The following TPD52L1 variants were observed in gnomAD, a reference collection of about 807,000 sequenced individuals.
TPD52L1 encodes tumor protein D53.
In TPD52L1, 18 loss-of-function variants were observed where a neutral mutation model predicts 28.7. The observed-to-expected ratio is 0.63, with a 90% CI of 0.43 to 0.93. TPD52L1 has a LOEUF of 0.93. TPD52L1 is among the 40% of genes least tolerant of loss of function. The probability of loss-of-function intolerance (pLI) is 0.00; values close to 1 mark genes in which losing one functional copy is unlikely to be tolerated. For synonymous variants in TPD52L1, 75 were observed against 88.8 expected (o/e 0.84, Z 0.88); for missense variants, 203 against 254.8 (o/e 0.80, Z 1.39).
chr6:125,209,659 T>A (rs78641468), intron 1 of TPD52L1, among the ~76,000 whole-genome samples: 416 of 152,298 alleles, frequency 2.7e-3, no homozygotes, highest in Non-Finnish European at 4.9e-3. Flanking sequence ...TGCCGCTGTG[T>A]TGAGGTGTGC....
intron 4 of TPD52L1, chr6:125,252,125 C>T: frequency 2.1e-6 from 3 of 1,424,288 alleles, no homozygotes; most frequent in Non-Finnish European, 2.9e-6. Flanking sequence ...TCACACTGTG[C>T]CTGAACCAAC....
intron 1 of TPD52L1, among the ~76,000 whole-genome samples, chr6:125,217,551 A>C (rs1449511736): frequency 6.6e-6 from 1 of 152,086 alleles, no homozygotes; most frequent in Admixed American, 6.6e-5. Flanking sequence ...TCAGGTGGTA[A>C]TGCAAGCAGT....
chr6:125,199,046 A>G (rs145884201), intron 1 of TPD52L1, among the ~76,000 whole-genome samples: 110 of 152,360 alleles, frequency 7.2e-4, no homozygotes, highest in African/African-American at 2.6e-3. Context: ...ATTGACCTCT[A>G]CCAGCACTTA....
At chr6:125,239,936 C>T (rs1346723760) in intron 3 of TPD52L1, among the ~76,000 whole-genome samples, 7 of 151,936 alleles carry the variant, frequency 4.6e-5, no homozygotes, top group Non-Finnish European at 1.0e-4. Flanking sequence ...TGATGTTATC[C>T]TCTAGAATTT....
intron 1 of TPD52L1, 157 bp from the exon 2 acceptor site, chr6:125,219,921 G>A (rs370874389): frequency 1.2e-4 from 80 of 685,050 alleles, no homozygotes; most frequent in African/African-American, 3.0e-4. Flanking sequence ...CTTGGAGCTC[G>A]TCACACATTT....
At chr6:125,254,162 C>A (rs1029161228) in intron 5 of TPD52L1, among the ~76,000 whole-genome samples, 2 of 152,074 alleles carry the variant, frequency 1.3e-5, no homozygotes, top group Non-Finnish European at 2.9e-5. Flanking sequence ...AGCCTGGGGG[C>A]AAGTTTAAAT....
chr6:125,169,124 G>A (rs141596907), intron 1 of TPD52L1, among the ~76,000 whole-genome samples: 23 of 152,074 alleles, frequency 1.5e-4, no homozygotes, highest in African/African-American at 4.3e-4. Flanking sequence ...ATATCTTGGC[G>A]GGGTTGCCCA....
intron 1 of TPD52L1, among the ~76,000 whole-genome samples, chr6:125,158,068 C>A (rs185158039): frequency 1.9e-4 from 29 of 152,244 alleles, no homozygotes; most frequent in South Asian, 1.9e-3. Context: ...TCGCATCAAA[C>A]CTCCCTCTGC....
intron 1 of TPD52L1, among the ~76,000 whole-genome samples, chr6:125,213,175 G>GA (rs913206691): frequency 6.6e-6 from 1 of 151,990 alleles, no homozygotes; most frequent in Admixed American, 6.6e-5. Context: ...AGTAGTGGGG[G>GA]AAAAAATATT....
At chr6:125,192,172 G>T (rs1370463152) in intron 1 of TPD52L1, among the ~76,000 whole-genome samples, 1 of 152,052 alleles carries the variant, frequency 6.6e-6, no homozygotes, top group Non-Finnish European at 1.5e-5. Context: ...TGGCACTCAG[G>T]ACACTAGACA....
At chr6:125,212,119 G>T (rs1302713334) in intron 1 of TPD52L1, among the ~76,000 whole-genome samples, 1 of 152,038 alleles carries the variant, frequency 6.6e-6, no homozygotes, top group Non-Finnish European at 1.5e-5. Flanking sequence ...AATGCTTGAG[G>T]TTATTTTTAC....
rs150974845 is a variant in TPD52L1, at chr6:125,183,556, G to T, written c.19+29586G>T. Among the ~76,000 whole-genome samples the T allele has an allele frequency of 1.3e-3, 191 of 152,286 alleles. 1 individual carries two copies. The highest frequency in any genetic ancestry group is 2.4e-3 in the Non-Finnish European group (160 of 68,026). On this transcript the variant is annotated intron_variant, in intron 1 of 6. Transcript: ENST00000534000. ...GAAGAAGCACAGATAGATGAAGAGT[G>T]CCCAGTCCGTGAAGGGCCTTGAGTA...
intron 1 of TPD52L1, among the ~76,000 whole-genome samples, chr6:125,211,065 G>A (rs575608559): frequency 2.0e-5 from 3 of 152,098 alleles, no homozygotes; most frequent in Non-Finnish European, 4.4e-5. Context: ...GACACTTAAG[G>A]CACATAATTA....
At chr6:125,254,901 T>A (rs544951442) in intron 5 of TPD52L1, among the ~76,000 whole-genome samples, 1 of 152,338 alleles carries the variant, frequency 6.6e-6, no homozygotes, top group Non-Finnish European at 1.5e-5. Context: ...TTATATTTTA[T>A]GAAGGAAGGC....
intron 1 of TPD52L1, among the ~76,000 whole-genome samples, chr6:125,187,406 T>C (rs1445109757): frequency 6.6e-6 from 1 of 152,204 alleles, no homozygotes; most frequent in Non-Finnish European, 1.5e-5. Flanking sequence ...ATTCTTCTCC[T>C]GGAACTAAAA....
chr6:125,223,959 C>A (rs569931397), intron 2 of TPD52L1, among the ~76,000 whole-genome samples: 33 of 151,812 alleles, frequency 2.2e-4, no homozygotes, highest in African/African-American at 7.5e-4. Context: ...CTTTTTTTTA[C>A]AAACCTTGTC....
chr6:125,217,549 T>C (rs1391535154), intron 1 of TPD52L1, among the ~76,000 whole-genome samples: 1 of 152,038 alleles, frequency 6.6e-6, no homozygotes, highest in Admixed American at 6.6e-5. Flanking sequence ...GCTCAGGTGG[T>C]AATGCAAGCA....
At chr6:125,244,500 T>C (rs981107004) in intron 3 of TPD52L1, among the ~76,000 whole-genome samples, 10 of 152,206 alleles carry the variant, frequency 6.6e-5, no homozygotes, top group African/African-American at 2.4e-4. Flanking sequence ...CTTATTCCTG[T>C]CCCAGTGTTC....
chr6:125,195,571 C>A (rs2114875944), intron 1 of TPD52L1, among the ~76,000 whole-genome samples: 1 of 152,148 alleles, frequency 6.6e-6, no homozygotes, highest in African/African-American at 2.4e-5. Flanking sequence ...ATGGAAAAGG[C>A]ACTTACGTGA....
Sources: gnomAD v4.1 joint callset for allele counts (sites outside exome capture counted in the v4.1 genomes callset) on GRCh38, gnomAD v4.1.1 for gene constraint, MANE v1.5 for transcripts, NCBI Gene and HGNC (gene_info 2026-07-23, HGNC 2026-07-21) for gene names.